NUDT19: variants seen among roughly 807,000 people sequenced by gnomAD.
NUDT19 encodes the protein nudix hydrolase 19, also known as acyl-coenzyme A diphosphatase NUDT19.
Under a neutral mutation model 22.2 loss-of-function variants are expected in NUDT19, and 31 were observed. That is an observed-to-expected ratio of 1.40 (90% CI 1.05 to 1.89). The LOEUF is 1.89. Among genes scored for constraint, NUDT19 ranks in the 40% most tolerant of loss-of-function variants. NUDT19 has a pLI of 0.00. For missense variants in NUDT19, 752 were observed against 514.2 expected (o/e 1.46, Z -4.47); for synonymous variants, 325 against 230.8 (o/e 1.41, Z -3.70).
intron 1 of NUDT19, among the ~76,000 whole-genome samples, chr19:32,704,951 A>G (rs1402185500): frequency 1.3e-5 from 2 of 151,748 alleles, no homozygotes; most frequent in South Asian, 4.2e-4. Context: ...AAGTAAAAAT[A>G]CAAAAATTAG....
chr19:32,696,003 C>T (rs1968259518), intron 1 of NUDT19, among the ~76,000 whole-genome samples: 1 of 152,218 alleles, frequency 6.6e-6, no homozygotes, highest in Admixed American at 6.5e-5. Flanking sequence ...CACAAATGAA[C>T]TTCCATCGGT....
intron 1 of NUDT19, among the ~76,000 whole-genome samples, chr19:32,693,222 C>T (rs1968222841): frequency 6.6e-6 from 1 of 152,122 alleles, no homozygotes; most frequent in Non-Finnish European, 1.5e-5. Flanking sequence ...CAGTTTCTTC[C>T]TTCAGATGTT....
Position 32,692,419 on chromosome 19 carries a change from G to T in NUDT19, c.459G>T (p.Gly153=), listed in dbSNP as rs772816662. The change falls in exon 1 of 3, where the codon GGG becomes GGT. Residue 153 remains glycine, a synonymous_variant. Transcript: ENST00000397061. ...PRTSPPGPAP[G]PGLALEPPPG... ...CTTCCCCACCAGGCCCAGCACCCGG[G>T]CCTGGCCTCGCCCTGGAGCCACCGC... 6.4e-7 allele frequency: 1 copy of T among 1,555,288 alleles called. No individual in the cohort carries two copies. The highest frequency in any genetic ancestry group is 8.6e-7 in the Non-Finnish European group (1 of 1,157,978).
intron 1 of NUDT19, among the ~76,000 whole-genome samples, chr19:32,696,764 G>A (rs1179151337): frequency 2.0e-5 from 3 of 152,186 alleles, no homozygotes; most frequent in Non-Finnish European, 4.4e-5. Flanking sequence ...GGATTCCTCG[G>A]ATGGTAACAG....
In NUDT19 at chr19:32,692,151, G is replaced by A. The variant is rs1381024598; in HGVS notation, c.191G>A (p.Gly64Asp). Reference sequence around the variant, plus strand: ...ATGCCGGGCGCGCACGTCTTCTCCGGCGGAGTGCTGGATGCGGCCGACCGC... The same window carrying A: ...ATGCCGGGCGCGCACGTCTTCTCCGACGGAGTGCTGGATGCGGCCGACCGC... Reference protein sequence around the residue: ...GFMPGAHVFSGGVLDAADRSA... With the variant: ...GFMPGAHVFSDGVLDAADRSA... The change falls in exon 1 of 3, where the codon GGC (glycine) becomes GAC (aspartate). Residue 64 changes from glycine to aspartate, a missense_variant. By Grantham distance (94) the Gly-to-Asp change is moderately conservative (BLOSUM62 -1). Transcript: ENST00000397061. 11 of 1,506,682 alleles carry A rather than the reference G, an allele frequency of 7.3e-6. No individual in the cohort carries two copies. The highest frequency in any genetic ancestry group is 8.8e-6 in the Non-Finnish European group (10 of 1,137,308). The allele number at this position is 1,506,682 out of a possible 1,614,324, so 93.3% of individuals were successfully genotyped here.
chr19:32,702,599 C>A (rs1260612035), intron 1 of NUDT19, among the ~76,000 whole-genome samples: 4 of 152,072 alleles, frequency 2.6e-5, no homozygotes, highest in African/African-American at 4.8e-5. Flanking sequence ...CAGAGCGAGA[C>A]TCCATCTCCA....
At chr19:32,698,576 G>A (rs1181887076) in intron 1 of NUDT19, among the ~76,000 whole-genome samples, 3 of 151,418 alleles carry the variant, frequency 2.0e-5, no homozygotes, top group Non-Finnish European at 2.9e-5. Flanking sequence ...GAGTAGTTGT[G>A]CTCACCAACG....
Position 32,711,944 on chromosome 19 carries a change from A to G in NUDT19, c.1115A>G (p.Lys372Arg). The change falls in exon 3 of 3, where the codon AAA becomes AGA. Residue 372 changes from lysine to arginine, a missense_variant. By Grantham distance (26) the Lys-to-Arg change is conservative. Coordinates refer to ENST00000397061, the MANE Select transcript of NUDT19 (RefSeq NM_001105570.2). ...HVYPKNSVVR[K>R]SHL ...TATCCTAAGAACTCTGTAGTAAGAA[A>G]AAGCCATTTGTAGGGTGCTTAAGCT... The G allele has an allele frequency of 6.2e-7, 1 of 1,612,922 alleles. No homozygotes were observed. The highest frequency in any genetic ancestry group is 8.5e-7 in the Non-Finnish European group (1 of 1,178,974).
chr19:32,706,756 T>A (rs1288630630), intron 1 of NUDT19, among the ~76,000 whole-genome samples: 4 of 152,274 alleles, frequency 2.6e-5, no homozygotes, highest in Non-Finnish European at 4.4e-5. Flanking sequence ...TTATCATAGG[T>A]GTGTATGTGT....
At chr19:32,700,923 C>T (rs1363938185) in intron 1 of NUDT19, among the ~76,000 whole-genome samples, 1 of 151,778 alleles carries the variant, frequency 6.6e-6, no homozygotes, top group Non-Finnish European at 1.5e-5. Flanking sequence ...GCCTGTGGTT[C>T]CTGTTACTGA....
At chr19:32,698,015 A>G (rs891179846) in intron 1 of NUDT19, among the ~76,000 whole-genome samples, 2 of 152,152 alleles carry the variant, frequency 1.3e-5, no homozygotes, top group Non-Finnish European at 2.9e-5. Flanking sequence ...TGGGCAGCGG[A>G]CATTAGAGGA....
intron 2 of NUDT19, among the ~76,000 whole-genome samples, chr19:32,711,195 A>T (rs1968443159): frequency 6.6e-6 from 1 of 151,708 alleles, no homozygotes; most frequent in Non-Finnish European, 1.5e-5. Flanking sequence ...CAGGCGCAGT[A>T]GTTCACGCCT....
At chr19:32,701,362 T>C (rs920414712) in intron 1 of NUDT19, among the ~76,000 whole-genome samples, 2 of 151,978 alleles carry the variant, frequency 1.3e-5, no homozygotes, top group Non-Finnish European at 2.9e-5. Context: ...CCTGCCACCA[T>C]GCCTAGCTAA....
intron 1 of NUDT19, among the ~76,000 whole-genome samples, chr19:32,708,911 T>C (rs907438150): frequency 6.6e-6 from 1 of 152,170 alleles, no homozygotes; most frequent in Non-Finnish European, 1.5e-5. Flanking sequence ...CTCCCACCTC[T>C]TATGCTGAAC....
chr19:32,699,830 C>G (rs988166815), intron 1 of NUDT19, among the ~76,000 whole-genome samples: 3 of 151,788 alleles, frequency 2.0e-5, no homozygotes, highest in African/African-American at 7.3e-5. Flanking sequence ...GATGGTGTGT[C>G]TGGAGTTTGT....
chr19:32,711,927 G>A lies in NUDT19; in HGVS notation c.1098G>A (p.Lys366=). 6.2e-7 allele frequency: 1 copy of A among 1,613,888 alleles called. No homozygotes were observed. Among genetic ancestry groups the A allele is most frequent in the Non-Finnish European group, 8.5e-7 (1 of 1,179,890 alleles). ...CAAAGTATAAACACGTTTATCCTAAGAACTCTGTAGTAAGAAAAAGCCATT... is the reference window on the plus strand; with the variant it reads ...CAAAGTATAAACACGTTTATCCTAAAAACTCTGTAGTAAGAAAAAGCCATT... ...VQPKYKHVYP[K]NSVVRKSHL is the part of the protein sequence containing the mutation. Residue 366 remains lysine (K), a synonymous_variant, in exon 3 of 3, where the codon AAG becomes AAA. Coordinates refer to ENST00000397061, the MANE Select transcript of NUDT19 (RefSeq NM_001105570.2).
At position 32,692,181 on chromosome 19, in the gene NUDT19, C is replaced by G; in HGVS notation, c.221C>G (p.Ala74Gly). 1 of 1,552,620 alleles carries G rather than the reference C, an allele frequency of 6.4e-7. No individual in the cohort carries two copies. The highest frequency in any genetic ancestry group is 8.6e-7 in the Non-Finnish European group (1 of 1,160,414). Reference protein sequence around the residue: ...GGVLDAADRSADWLGLFAPHH... With the variant: ...GGVLDAADRSGDWLGLFAPHH... Reference sequence around the variant, plus strand: ...GTGCTGGATGCGGCCGACCGCTCGGCGGACTGGCTGGGCCTCTTCGCGCCG... The same window carrying G: ...GTGCTGGATGCGGCCGACCGCTCGGGGGACTGGCTGGGCCTCTTCGCGCCG... Residue 74 changes from alanine to glycine, a missense_variant, in exon 1 of 3, where the codon GCG (alanine) becomes GGG (glycine). Transcript: ENST00000397061.
intron 1 of NUDT19, among the ~76,000 whole-genome samples, chr19:32,693,260 G>A (rs1399761268): frequency 6.6e-6 from 1 of 152,036 alleles, no homozygotes; most frequent in Non-Finnish European, 1.5e-5. Flanking sequence ...TCTTCCTTCT[G>A]GTAGGTTCGT....
At chr19:32,709,468 C>T (rs569245999) in intron 2 of NUDT19, 76 bp downstream of exon 2, 65 of 1,137,630 alleles carry the variant, frequency 5.7e-5, no homozygotes, top group Non-Finnish European at 8.1e-5. Flanking sequence ...TATTGCCCAA[C>T]GTAGAGACAG....
Sources: allele counts gnomAD v4.1 joint callset (sites outside exome capture counted in the v4.1 genomes callset), GRCh38; gene constraint gnomAD v4.1.1; transcripts MANE v1.5; gene names NCBI Gene and HGNC (gene_info 2026-07-23, HGNC 2026-07-21).